STON1: variants seen among roughly 807,000 people sequenced by gnomAD.
STON1 encodes the protein stonin-1.
Under a neutral mutation model 60.9 loss-of-function variants are expected in STON1, and 79 were observed. The observed-to-expected ratio is 1.30, with a 90% CI of 1.08 to 1.56. The LOEUF is 1.56. Among genes scored for constraint, STON1 ranks in the 40% most tolerant of loss-of-function variants. The pLI, the probability that STON1 is intolerant of heterozygous loss-of-function variation, is 0.00. For missense variants in STON1, 1,166 were observed against 858.9 expected, an observed-to-expected ratio of 1.36 and a Z score of -4.47; for synonymous variants, 363 against 306.9, an observed-to-expected ratio of 1.18 and a Z score of -1.91.
intron 1 of STON1, among the ~76,000 whole-genome samples, chr2:48,539,395 C>T (rs1384727640): frequency 2.0e-5 from 3 of 152,092 alleles, no homozygotes; most frequent in Non-Finnish European, 4.4e-5. Context: ...TCATGCCTAG[C>T]TTACTTTTTG....
In STON1 at chr2:48,596,358, A is replaced by C. The variant is rs1053170449; in HGVS notation, c.*1056A>C. On this transcript the variant is annotated 3_prime_UTR_variant, in exon 4 of 4. Transcript: ENST00000404752. Reference sequence around the variant, plus strand: ...ACATTTTTATTCTTCAGAGTCAGGTAAATGACTATAATAGTTTGGTTTCTA... The same window carrying C: ...ACATTTTTATTCTTCAGAGTCAGGTCAATGACTATAATAGTTTGGTTTCTA... The C allele has an allele frequency of 3.3e-5, 5 of 152,226 alleles. No individual in the cohort carries two copies. The highest frequency in any genetic ancestry group is 5.9e-5 in the Non-Finnish European group (4 of 68,024). 9.4% of individuals were successfully genotyped at this position (152,226 alleles called of 1,614,324 possible). A position where few individuals can be genotyped will look rare whatever the true frequency, so the allele number is the denominator to read the frequency against.
chr2:48,546,570 A>C (rs1671874580), intron 1 of STON1, among the ~76,000 whole-genome samples: 1 of 152,246 alleles, frequency 6.6e-6, no homozygotes, highest in Non-Finnish European at 1.5e-5. Context: ...CCCACAGAAC[A>C]CTGGATTTGT....
chr2:48,535,945 G>A (rs2103736195), intron 1 of STON1, among the ~76,000 whole-genome samples: 1 of 152,154 alleles, frequency 6.6e-6, no homozygotes, highest in Non-Finnish European at 1.5e-5. Context: ...AAAATTAGCT[G>A]GGCATGGTGG....
At position 48,590,155 on chromosome 2, in the gene STON1, GGT is replaced by G. The variant is rs146977147; in HGVS notation, c.1931-1489_1931-1488del. Among the ~76,000 whole-genome samples, 435 of 152,174 alleles carry G rather than the reference GGT, an allele frequency of 2.9e-3. 2 individuals carry two copies. Among genetic ancestry groups the G allele is most frequent in the African/African-American group, 9.9e-3 (411 of 41,526 alleles). The stretch of plus-strand genomic sequence containing the variant: ...AGTAATGGGGTTTGCAATCTTTCTG[GGT>G]GTGTGTGTATGAGAATGAAGTTATC... On this transcript the variant is annotated intron_variant, in intron 2 of 3. Transcript: ENST00000404752.
chr2:48,567,537 G>A (rs1673000011), intron 1 of STON1, among the ~76,000 whole-genome samples: 1 of 152,132 alleles, frequency 6.6e-6, no homozygotes. Context: ...TCAGCCTCCT[G>A]AGTAGCTGGG....
At position 48,538,396 on chromosome 2, in the gene STON1, A is replaced by G. The variant is rs977100691; in HGVS notation, c.-48+8180A>G. Among the ~76,000 whole-genome samples, 3 of 152,214 alleles carry G rather than the reference A, an allele frequency of 2.0e-5. No homozygotes were observed. The South Asian group carries it at 6.2e-4, about 32-fold the overall frequency. The stretch of plus-strand genomic sequence containing the variant: ...AGTTTTTGGTGATTCAGTTTCATAA[A>G]TGATTAGTGATGAATTTAGGCTTTC... On this transcript the variant is annotated intron_variant, in intron 1 of 3. Coordinates refer to ENST00000404752, the MANE Select transcript of STON1 (RefSeq NM_006873.4).
chr2:48,563,558 A>G lies in STON1; in HGVS notation c.-47-17029A>G, dbSNP rs1162561664. ...GGTCATAGCAGACAGTGGGCAATAG[A>G]ATACAAAAGGCCGAGGTGTCCAGAG... On this transcript the variant is annotated intron_variant, in intron 1 of 3. Transcript: ENST00000404752. Among the ~76,000 whole-genome samples the G allele has an allele frequency of 2.6e-5, 4 of 152,206 alleles. No individual in the cohort carries two copies. In the East Asian group the frequency reaches 7.7e-4, roughly 29 times the overall value.
rs114037585 is a variant in STON1, at chr2:48,534,969, T to A, written c.-48+4753T>A. On this transcript the variant is annotated intron_variant, in intron 1 of 3. Transcript: ENST00000404752. ...CTCCACTCACAAGAAGAATCCCGAATTCCATGGAGGCTTCCTGGCCAGCCT... is the reference window on the plus strand; with the variant it reads ...CTCCACTCACAAGAAGAATCCCGAAATCCATGGAGGCTTCCTGGCCAGCCT... 2.5e-3 allele frequency among the ~76,000 whole-genome samples: 382 copies of A among 152,254 alleles called. 4 individuals are homozygous for A. Among genetic ancestry groups the A allele is most frequent in the African/African-American group, 8.9e-3 (370 of 41,564 alleles).
At chr2:48,545,906 A>G (rs1370264834) in intron 1 of STON1, among the ~76,000 whole-genome samples, 1 of 152,224 alleles carries the variant, frequency 6.6e-6, no homozygotes, top group East Asian at 1.9e-4. Flanking sequence ...TGGGGCCACC[A>G]AGTCACTGTG....
In STON1 at chr2:48,581,508, G is replaced by A. The variant is rs762534739; in HGVS notation, c.875G>A (p.Arg292Gln). The change falls in exon 2 of 4, where the codon CGG becomes CAG. Residue 292 changes from arginine (R) to glutamine (Q), a missense_variant. Arg to Gln is a conservative substitution (Grantham distance 43). Transcript: ENST00000404752. ...GAGAAGAAGAATATGATGTCTTCCCGGCAATGGGGACCAATTTTTCTGAAA... is the reference window on the plus strand; with the variant it reads ...GAGAAGAAGAATATGATGTCTTCCCAGCAATGGGGACCAATTTTTCTGAAA... ...IPEKKNMMSS[R>Q]QWGPIFLKVL... is the part of the protein sequence containing the mutation. 4.0e-5 allele frequency: 64 copies of A among 1,614,038 alleles called. No homozygotes were observed. Among genetic ancestry groups the A allele is most frequent in the Non-Finnish European group, 4.8e-5 (57 of 1,180,040 alleles).
chr2:48,559,440 G>C (rs920420857), intron 1 of STON1, among the ~76,000 whole-genome samples: 2 of 152,076 alleles, frequency 1.3e-5, no homozygotes, highest in Non-Finnish European at 2.9e-5. Flanking sequence ...GCTCTCTGGG[G>C]CCTCTTTGAT....
chr2:48,583,058 G>A (rs551957411), intron 2 of STON1, among the ~76,000 whole-genome samples: 1 of 152,200 alleles, frequency 6.6e-6, no homozygotes, highest in South Asian at 2.1e-4. Flanking sequence ...GATTTTTGTT[G>A]ACTGAATTCA....
chr2:48,590,231 T>G (rs1292459453), intron 2 of STON1, among the ~76,000 whole-genome samples: 1 of 152,200 alleles, frequency 6.6e-6, no homozygotes, highest in Non-Finnish European at 1.5e-5. Context: ...AGGCCACTGT[T>G]GTCCTACCCT....
chr2:48,555,147 C>G lies in STON1; in HGVS notation c.-48+24931C>G, dbSNP rs1406184443. Among the ~76,000 whole-genome samples the G allele has an allele frequency of 1.2e-4, 10 of 86,852 alleles. 1 individual carries two copies. Among genetic ancestry groups the G allele is most frequent in the Non-Finnish European group, 2.1e-4 (9 of 42,580 alleles). 57.0% of individuals were successfully genotyped at this position (86,852 alleles called of 152,430 possible). A position where few individuals can be genotyped will look rare whatever the true frequency, so the allele number is the denominator to read the frequency against. On this transcript the variant is annotated intron_variant, in intron 1 of 3. Coordinates refer to ENST00000404752, the MANE Select transcript of STON1 (RefSeq NM_006873.4). ...ACTTCTTTCTACACAGACACTGCAA[C>G]CATCCGATTTCTCAATCTTTTCCCC...
chr2:48,582,292 G>T lies in STON1; in HGVS notation c.1659G>T (p.Ala553=). 1 of 1,614,204 alleles carries T rather than the reference G, an allele frequency of 6.2e-7. No homozygotes were observed. The highest frequency in any genetic ancestry group is 1.1e-5 in the South Asian group (1 of 91,086). Reference sequence around the variant, plus strand: ...CTTTTGTCAACATGGCCTCATTGGCGCAGAGGTCATCCTATGCTGGTTCCT... The same window carrying T: ...CTTTTGTCAACATGGCCTCATTGGCTCAGAGGTCATCCTATGCTGGTTCCT... ...LQAFVNMASL[A]QRSSYAGSLR... The change falls in exon 2 of 4, where the codon GCG becomes GCT. Residue 553 remains alanine (A), a synonymous_variant. Coordinates refer to ENST00000404752, the MANE Select transcript of STON1 (RefSeq NM_006873.4).
At chr2:48,591,958 G>T in intron 3 of STON1, 103 bp downstream of exon 3, 1 of 1,450,596 alleles carries the variant, frequency 6.9e-7, no homozygotes. Context: ...GTATATGTGT[G>T]GTGAGATTTG....
intron 1 of STON1, among the ~76,000 whole-genome samples, chr2:48,563,738 G>A (rs1473041585): frequency 6.6e-6 from 1 of 151,400 alleles, no homozygotes; most frequent in Admixed American, 6.6e-5. Context: ...CTGTGATTCA[G>A]GCTGGAGTGC....
At chr2:48,579,776 G>T (rs1365077270) in intron 1 of STON1, among the ~76,000 whole-genome samples, 1 of 152,168 alleles carries the variant, frequency 6.6e-6, no homozygotes, top group Non-Finnish European at 1.5e-5. Context: ...GTGGTCTTCT[G>T]TCTGGATGTT....
At chr2:48,584,128 C>G (rs1418573505) in intron 2 of STON1, among the ~76,000 whole-genome samples, 1 of 152,148 alleles carries the variant, frequency 6.6e-6, no homozygotes, top group Non-Finnish European at 1.5e-5. Flanking sequence ...AAATAAAAAT[C>G]TGATCCCTGT....
Sources: gnomAD v4.1 joint callset for allele counts (sites outside exome capture counted in the v4.1 genomes callset) on GRCh38, gnomAD v4.1.1 for gene constraint, MANE v1.5 for transcripts, NCBI Gene and HGNC (gene_info 2026-07-23, HGNC 2026-07-21) for gene names.